The following AP1M2 variants were observed in gnomAD, a reference collection of about 807,000 sequenced individuals.
AP1M2 encodes adaptor related protein complex 1 subunit mu 2.
Under a neutral mutation model 54.6 loss-of-function variants are expected in AP1M2, and 41 were observed. The observed-to-expected ratio is 0.75, with a 90% CI of 0.59 to 0.97. AP1M2 has a LOEUF of 0.97. AP1M2 is among the 50% of genes least tolerant of loss of function. AP1M2 has a pLI of 0.00. For synonymous variants in AP1M2, 219 were observed against 215.9 expected, an observed-to-expected ratio of 1.01 and a Z score of -0.13; for missense variants, 507 against 561.2, an observed-to-expected ratio of 0.90 and a Z score of 0.98.
rs747265075 is a variant in AP1M2 at position 10,584,024 on chromosome 19, A to G, written c.89T>C (p.Ile30Thr). ...TACCAGCAAAGGCATGAAGTGCTCAATCTTGCTCATGGCCACATCGCCCTT... is the reference window on the plus strand; with the variant it reads ...TACCAGCAAAGGCATGAAGTGCTCAGTCTTGCTCATGGCCACATCGCCCTT... ...NYKGDVAMSK[I>T]EHFMPLLVQR... Residue 30 changes from isoleucine (I) to threonine (T), a missense_variant, in exon 2 of 12, where the codon ATT becomes ACT. Coordinates refer to ENST00000250244, the MANE Select transcript of AP1M2 (RefSeq NM_005498.5). The G allele has an allele frequency of 1.6e-5, 26 of 1,610,756 alleles. No homozygotes were observed. Among genetic ancestry groups the G allele is most frequent in the African/African-American group, 5.3e-5 (4 of 74,906 alleles).
chr19:10,583,014 A>G (rs1361177485), intron 3 of AP1M2, among the ~76,000 whole-genome samples: 21 of 151,802 alleles, frequency 1.4e-4, no homozygotes. Flanking sequence ...TTAGTAGAGA[A>G]GGGGTTTCTG....
chr19:10,581,101 A>C (rs1917429597), intron 6 of AP1M2, among the ~76,000 whole-genome samples, 165 bp downstream of exon 6: 1 of 152,254 alleles, frequency 6.6e-6, no homozygotes, highest in Non-Finnish European at 1.5e-5. Context: ...CTCAATCATG[A>C]AACAGCCTTT....
Position 10,572,995 on chromosome 19 carries a change from G to A in AP1M2, c.*71C>T, listed in dbSNP as rs1375892774. 4 of 1,491,982 alleles carry A rather than the reference G, an allele frequency of 2.7e-6. No homozygotes were observed. In the East Asian group the frequency reaches 7.4e-5, roughly 27 times the overall value. The allele number at this position is 1,491,982 out of a possible 1,614,324, so 92.4% of individuals were successfully genotyped here. A position where few individuals can be genotyped will look rare whatever the true frequency, so the allele number is the denominator to read the frequency against. On this transcript the variant is annotated 3_prime_UTR_variant, in exon 12 of 12. Transcript: ENST00000250244. ...ACACAGACACACACAGCCCGCACCT[G>A]CCCTCCCTCTAAAATCTGCATCCGG...
At chr19:10,586,002 G>A (rs1001166385) in intron 1 of AP1M2, among the ~76,000 whole-genome samples, 5 of 152,036 alleles carry the variant, frequency 3.3e-5, no homozygotes, top group Admixed American at 6.6e-5. Flanking sequence ...GGCCGGGTGC[G>A]GCCGGGCGCA....
intron 9 of AP1M2, among the ~76,000 whole-genome samples, chr19:10,575,805 C>T (rs1357174367): frequency 3.9e-5 from 5 of 126,674 alleles, no homozygotes; most frequent in African/African-American, 1.5e-4. Context: ...CTTACTCTGT[C>T]GCCCAGGCTG....
chr19:10,585,307 G>GAAAGAAAGAA (rs1917612678), intron 1 of AP1M2, among the ~76,000 whole-genome samples: 1 of 145,384 alleles, frequency 6.9e-6, no homozygotes, highest in Non-Finnish European at 1.5e-5. Context: ...AAGAAAGAAA[G>GAAAGAAAGAA]AAAGAAAGAA....
chr19:10,578,375 G>T (rs146317947), intron 8 of AP1M2, among the ~76,000 whole-genome samples: 1 of 151,982 alleles, frequency 6.6e-6, no homozygotes, highest in Admixed American at 6.6e-5. Flanking sequence ...CCAGCTGCTC[G>T]GGAGGCTGAG....
chr19:10,583,570 G>T, intron 3 of AP1M2, 36 bp downstream of exon 3: 1 of 1,517,142 alleles, frequency 6.6e-7, no homozygotes, highest in Non-Finnish European at 9.1e-7. Context: ...GGGATAGACG[G>T]ATAGACCAGT....
intron 1 of AP1M2, among the ~76,000 whole-genome samples, chr19:10,586,213 G>T (rs557014416): frequency 7.9e-5 from 12 of 151,956 alleles, no homozygotes; most frequent in Non-Finnish European, 1.3e-4. Context: ...AACCTGGGAG[G>T]TGGAGGTTGC....
chr19:10,579,289 G>A (rs1917356767), intron 7 of AP1M2, among the ~76,000 whole-genome samples: 1 of 151,928 alleles, frequency 6.6e-6, no homozygotes, highest in Admixed American at 6.6e-5. Context: ...GGTGGCATGC[G>A]CCTATAGTCC....
rs201504302 is a variant in AP1M2 at position 10,574,956 on chromosome 19, G to A, written c.1121C>T (p.Pro374Leu). The A allele has an allele frequency of 1.9e-6, 3 of 1,593,294 alleles. No individual in the cohort carries two copies. The highest frequency in any genetic ancestry group is 1.7e-6 in the Non-Finnish European group (2 of 1,168,442). The stretch of plus-strand genomic sequence containing the variant: ...GATCTCAAACTTGACCCCGATGGGG[G>A]GCCGGCCCTCCACCTCTTCCTTTTC... ...SVEKEEVEGR[P>L]PIGVKFEIPY... The change falls in exon 10 of 12, where the codon CCC (proline) becomes CTC (leucine). Residue 374 changes from proline (P) to leucine (L), a missense_variant. By Grantham distance (98) the Pro-to-Leu change is moderately conservative (BLOSUM62 -3). Transcript: ENST00000250244.
intron 9 of AP1M2, 35 bp from the exon 10 acceptor site, chr19:10,575,064 T>C: frequency 6.9e-7 from 1 of 1,442,984 alleles, no homozygotes; most frequent in Non-Finnish European, 9.1e-7. Context: ...TACACGAGGG[T>C]CCGCCTACCC....
chr19:10,581,221 A>C (rs1159181800), intron 6 of AP1M2, 45 bp downstream of exon 6: 9 of 1,559,318 alleles, frequency 5.8e-6, no homozygotes, highest in Non-Finnish European at 7.8e-6. Flanking sequence ...CGGGTTTGCG[A>C]CTCCCCTGTG....
rs1917605655 is a variant in AP1M2, at chr19:10,585,286, A to AGAAAGAAAGAAGGAAGGAAG, written c.43-1217_43-1216insCTTCCTTCCTTCTTTCTTTC. 5.7e-4 allele frequency among the ~76,000 whole-genome samples: 33 copies of AGAAAGAAAGAAGGAAGGAAG among 58,138 alleles called. 2 individuals carry two copies. Among genetic ancestry groups the AGAAAGAAAGAAGGAAGGAAG allele is most frequent in the East Asian group, 2.0e-3 (7 of 3,484 alleles). The allele number at this position is 58,138 out of a possible 152,430, so 38.1% of individuals were successfully genotyped here. On this transcript the variant is annotated intron_variant, in intron 1 of 11. Coordinates refer to ENST00000250244, the MANE Select transcript of AP1M2 (RefSeq NM_005498.5). ...AAGGAAAGAAAGAAAGAAGAAAAAA[A>AGAAAGAAAGAAGGAAGGAAG]GAAAGAAAGAAAGAAAGAAAGAAAG...
chr19:10,585,806 T>C (rs1367796502), intron 1 of AP1M2, among the ~76,000 whole-genome samples: 1 of 152,050 alleles, frequency 6.6e-6, no homozygotes, highest in African/African-American at 2.4e-5. Flanking sequence ...AATGGGAATA[T>C]TATTTTCACC....
At chr19:10,584,347 G>A (rs1024956844) in intron 1 of AP1M2, among the ~76,000 whole-genome samples, 1 of 152,184 alleles carries the variant, frequency 6.6e-6, no homozygotes, top group South Asian at 2.1e-4. Context: ...TTGGGAGGCC[G>A]AGGCGGGTGG....
chr19:10,583,818 A>C, intron 2 of AP1M2, 96 bp downstream of exon 2: 1 of 1,503,866 alleles, frequency 6.6e-7, no homozygotes, highest in Non-Finnish European at 9.0e-7. Flanking sequence ...TGTGCGGTGC[A>C]ACTCCTGTCC....
intron 1 of AP1M2, 143 bp from the exon 2 acceptor site, chr19:10,584,213 T>A: frequency 9.2e-7 from 1 of 1,090,332 alleles, no homozygotes; most frequent in Non-Finnish European, 1.3e-6. Context: ...TTTCCTGCTC[T>A]GTAAAATGGG....
intron 9 of AP1M2, among the ~76,000 whole-genome samples, chr19:10,576,524 A>G (rs1295059894): frequency 1.3e-5 from 2 of 151,858 alleles, no homozygotes; most frequent in Admixed American, 1.3e-4. Context: ...GGCCTCCCAA[A>G]GTGCTGGGAT....
Sources: gnomAD v4.1 joint callset for allele counts (sites outside exome capture counted in the v4.1 genomes callset) on GRCh38, gnomAD v4.1.1 for gene constraint, MANE v1.5 for transcripts, NCBI Gene and HGNC (gene_info 2026-07-23, HGNC 2026-07-21) for gene names.